NKAIN3: variants seen among roughly 807,000 people sequenced by gnomAD.
NKAIN3 encodes the protein sodium/potassium-transporting ATPase subunit beta-1-interacting protein 3.
A neutral mutation model predicts 30.2 loss-of-function variants in NKAIN3; 25 were observed. The ratio of observed to expected loss-of-function variants is 0.83; its 90% CI spans 0.60 to 1.16. NKAIN3 has a LOEUF of 1.16. Ranked by LOEUF, NKAIN3 falls within the 50% of genes most tolerant of loss-of-function variation. The probability of loss-of-function intolerance (pLI) is 0.00; values close to 1 mark genes in which losing one functional copy is unlikely to be tolerated. For missense variants in NKAIN3, 225 were observed against 254.1 expected (o/e 0.89, Z 0.78); for synonymous variants, 91 against 89.6 (o/e 1.02, Z -0.09).
intron 1 of NKAIN3, among the ~76,000 whole-genome samples, chr8:62,528,734 T>C (rs954727630): frequency 2.6e-5 from 4 of 152,128 alleles, no homozygotes; most frequent in Non-Finnish European, 1.5e-5. Context: ...TTTTTACTTA[T>C]TGGGCCAATA....
At position 62,315,097 on chromosome 8, in the gene NKAIN3, C is replaced by T. The variant is rs183383727; in HGVS notation, c.54+65970C>T. 1.8e-3 allele frequency among the ~76,000 whole-genome samples: 278 copies of T among 152,248 alleles called. 1 individual carries two copies. The highest frequency in any genetic ancestry group is 6.4e-3 in the African/African-American group (267 of 41,554). On this transcript the variant is annotated intron_variant, in intron 1 of 6. Transcript: ENST00000623646. The stretch of plus-strand genomic sequence containing the variant: ...TTTAAGACAGAGCCATCACGCAGGA[C>T]ACATCTCTTGTTTTTCTAACAAGGA...
chr8:62,387,561 G>T (rs867027751), intron 1 of NKAIN3, among the ~76,000 whole-genome samples: 11 of 152,160 alleles, frequency 7.2e-5, no homozygotes, highest in African/African-American at 2.4e-4. Context: ...ACATATGAAA[G>T]AATAGATCAT....
At chr8:62,670,368 T>A (rs1813261722) in intron 3 of NKAIN3, among the ~76,000 whole-genome samples, 1 of 152,314 alleles carries the variant, frequency 6.6e-6, no homozygotes, top group South Asian at 2.1e-4. Flanking sequence ...TTCTACTCAG[T>A]ACCCGTGTCT....
chr8:62,351,744 G>T (rs1000329951), intron 1 of NKAIN3, among the ~76,000 whole-genome samples: 2 of 152,134 alleles, frequency 1.3e-5, no homozygotes, highest in South Asian at 2.1e-4. Context: ...ACCAGTTTTT[G>T]TGGTTTATCA....
intron 3 of NKAIN3, among the ~76,000 whole-genome samples, chr8:62,689,564 G>T (rs1279395557): frequency 6.6e-6 from 1 of 151,892 alleles, no homozygotes; most frequent in East Asian, 1.9e-4. Flanking sequence ...TGATGTATCA[G>T]GTTTTAAAAC....
At chr8:62,480,893 A>G (rs1028922927) in intron 1 of NKAIN3, among the ~76,000 whole-genome samples, 1 of 152,088 alleles carries the variant, frequency 6.6e-6, no homozygotes. Context: ...ATCAGAATGG[A>G]GTCATTCTTC....
intron 4 of NKAIN3, chr8:62,855,553 G>C (rs1820036653): frequency 6.5e-7 from 1 of 1,531,284 alleles, no homozygotes; most frequent in Non-Finnish European, 9.0e-7. Context: ...CAACCACCAG[G>C]GAGTCCAATC....
chr8:62,652,639 AC>A (rs1194788337), intron 3 of NKAIN3, among the ~76,000 whole-genome samples: 1 of 152,174 alleles, frequency 6.6e-6, no homozygotes, highest in African/African-American at 2.4e-5. Flanking sequence ...TCTGATATAT[AC>A]CAGCTTGCTG....
chr8:62,344,689 G>GT (rs1815871064), intron 1 of NKAIN3, among the ~76,000 whole-genome samples: 1 of 152,002 alleles, frequency 6.6e-6, no homozygotes, highest in Non-Finnish European at 1.5e-5. Flanking sequence ...TAATTGCTAT[G>GT]TTTTTTATCC....
intron 1 of NKAIN3, among the ~76,000 whole-genome samples, chr8:62,254,976 G>T (rs1782927675): frequency 1.3e-5 from 2 of 152,158 alleles, no homozygotes; most frequent in Admixed American, 6.5e-5. Context: ...AGAACACTCT[G>T]ACAGCAAACT....
intron 6 of NKAIN3, among the ~76,000 whole-genome samples, chr8:62,961,279 C>CA (rs77292554): frequency 0.069 from 9,364 of 135,862 alleles, 497 homozygotes; most frequent in East Asian, 0.27. Flanking sequence ...GACTCTGTCT[C>CA]AAAAAAAAAA....
intron 5 of NKAIN3, chr8:62,990,019 A>T (rs1824287814): frequency 2.0e-6 from 1 of 511,862 alleles, no homozygotes. Flanking sequence ...CTCATCTTGT[A>T]TCTGCTCAAT....
intron 3 of NKAIN3, among the ~76,000 whole-genome samples, chr8:62,666,914 T>A (rs1398346675): frequency 6.6e-6 from 1 of 152,106 alleles, no homozygotes; most frequent in Non-Finnish European, 1.5e-5. Context: ...CTGATGCACA[T>A]GCCCAATTAC....
chr8:62,703,171 C>T (rs79918298), intron 3 of NKAIN3, among the ~76,000 whole-genome samples: 5,567 of 152,100 alleles, frequency 0.037, 355 homozygotes, highest in African/African-American at 0.13. Context: ...GCTAGCAGTA[C>T]ATACATTCAT....
chr8:62,924,022 A>G (rs576182223), intron 5 of NKAIN3, among the ~76,000 whole-genome samples: 2 of 152,372 alleles, frequency 1.3e-5, no homozygotes, highest in South Asian at 4.1e-4. Flanking sequence ...ACAGTGAAGT[A>G]GAGCCTAAAA....
chr8:62,733,776 A>G (rs1235963061), intron 3 of NKAIN3, among the ~76,000 whole-genome samples: 1 of 152,064 alleles, frequency 6.6e-6, no homozygotes, highest in East Asian at 1.9e-4. Context: ...ATGTTTTCTG[A>G]ATATATAGCT....
intron 1 of NKAIN3, among the ~76,000 whole-genome samples, chr8:62,443,504 C>T (rs1805393935): frequency 6.6e-6 from 1 of 152,106 alleles, no homozygotes; most frequent in South Asian, 2.1e-4. Context: ...CTGCCTCAGC[C>T]TCCCGAGTAG....
chr8:62,554,517 C>A (rs943763200), intron 1 of NKAIN3, among the ~76,000 whole-genome samples: 10 of 152,240 alleles, frequency 6.6e-5, no homozygotes, highest in Non-Finnish European at 1.3e-4. Context: ...AGAAAAATTT[C>A]TCCTGAATAT....
At chr8:62,410,794 G>A (rs904749884) in intron 1 of NKAIN3, among the ~76,000 whole-genome samples, 9 of 152,106 alleles carry the variant, frequency 5.9e-5, no homozygotes, top group Middle Eastern at 3.4e-3. Context: ...AACACATAAT[G>A]TCCCAAGACT....
Sources: gnomAD v4.1 joint callset for allele counts (sites outside exome capture counted in the v4.1 genomes callset) on GRCh38, gnomAD v4.1.1 for gene constraint, MANE v1.5 for transcripts, NCBI Gene and HGNC (gene_info 2026-07-23, HGNC 2026-07-21) for gene names.